The following PPFIBP1 variants were observed in gnomAD, a reference collection of about 807,000 sequenced individuals.
PPFIBP1 encodes the protein liprin-beta-1.
In PPFIBP1, 112 loss-of-function variants were observed where a neutral mutation model predicts 137.8. The ratio of observed to expected loss-of-function variants is 0.81; its 90% confidence interval spans 0.70 to 0.95. PPFIBP1 has a LOEUF of 0.95. PPFIBP1 is among the 40% of genes least tolerant of loss of function. PPFIBP1 has a pLI of 0.00. For missense variants in PPFIBP1, 1,083 were observed against 1,196.6 expected, an observed-to-expected ratio of 0.91 and a Z score of 1.40; for synonymous variants, 378 against 417.3, an observed-to-expected ratio of 0.91 and a Z score of 1.15.
At chr12:27,592,570 T>C in intron 2 of PPFIBP1, 2 of 1,441,694 alleles carry the variant, frequency 1.4e-6, no homozygotes, top group Non-Finnish European at 1.9e-6. Flanking sequence ...TTTCACAGGA[T>C]GATACCTCCT....
At chr12:27,623,313 G>A (rs1026824809) in intron 2 of PPFIBP1, among the ~76,000 whole-genome samples, 6 of 152,128 alleles carry the variant, frequency 3.9e-5, no homozygotes, top group African/African-American at 9.7e-5. Flanking sequence ...AATTTGATTC[G>A]CCTACATCTC....
intron 9 of PPFIBP1, among the ~76,000 whole-genome samples, chr12:27,657,640 C>T (rs1050919946): frequency 5.3e-5 from 8 of 151,998 alleles, no homozygotes; most frequent in African/African-American, 1.7e-4. Flanking sequence ...TATACCCCTG[C>T]AGGTATCACA....
chr12:27,596,561 G>C (rs1592728286), intron 2 of PPFIBP1, among the ~76,000 whole-genome samples: 1 of 151,964 alleles, frequency 6.6e-6, no homozygotes, highest in East Asian at 1.9e-4. Flanking sequence ...TCACTCTGTT[G>C]CCCAGGCTGG....
Position 27,654,767 on chromosome 12 carries a change from A to G in PPFIBP1, c.649A>G (p.Met217Val). The change falls in exon 8 of 30, where the codon ATG (methionine) becomes GTG (valine). Residue 217 changes from methionine (M) to valine (V), a missense_variant. Transcript: ENST00000228425. Reference sequence around the variant, plus strand: ...TGATTTGAGGTTAAAAGTTAGTGAAATGGACAGTGAGAGACTTCAGTATGA... The same window carrying G: ...TGATTTGAGGTTAAAAGTTAGTGAAGTGGACAGTGAGAGACTTCAGTATGA... ...INDLRLKVSE[M>V]DSERLQYEKK... 1 of 1,612,242 alleles carries G rather than the reference A, an allele frequency of 6.2e-7. No individual in the cohort carries two copies. Among genetic ancestry groups the G allele is most frequent in the Middle Eastern group, 1.9e-4 (1 of 5,178 alleles).
intron 12 of PPFIBP1, 138 bp from the exon 13 acceptor site, chr12:27,667,028 G>T: frequency 2.3e-6 from 2 of 862,878 alleles, no homozygotes; most frequent in Non-Finnish European, 3.3e-6. Context: ...TTCAAGGGCT[G>T]CCAGGAGAAG....
chr12:27,621,689 A>G (rs1265193654), intron 2 of PPFIBP1, among the ~76,000 whole-genome samples: 1 of 152,178 alleles, frequency 6.6e-6, no homozygotes, highest in Non-Finnish European at 1.5e-5. Context: ...TTGGAATAGA[A>G]ACCAACAGAA....
Position 27,664,432 on chromosome 12 carries a change from C to A in PPFIBP1, c.977C>A (p.Ala326Asp). ...AAAATGCAAGACACGGTGGTACTGG[C>A]CCAAGGTAAAAAAGGTAGAGTGTAG... is the stretch of plus-strand genomic sequence containing the variant. ...YKKMQDTVVLAQGKKGKDGEY... is the reference protein window; with the variant it reads ...YKKMQDTVVLDQGKKGKDGEY... Residue 326 changes from alanine to aspartate, a missense_variant, in exon 12 of 30, where the codon GCC becomes GAC. Transcript: ENST00000228425. 6.2e-7 allele frequency: 1 copy of A among 1,610,928 alleles called. No homozygotes were observed. Among genetic ancestry groups the A allele is most frequent in the Non-Finnish European group, 8.5e-7 (1 of 1,177,976 alleles).
intron 7 of PPFIBP1, among the ~76,000 whole-genome samples, chr12:27,650,344 A>C (rs2058803667): frequency 1.3e-5 from 2 of 152,220 alleles, no homozygotes; most frequent in African/African-American, 4.8e-5. Context: ...GCTAATGGCA[A>C]TTTTTATTTT....
At chr12:27,530,884 G>T (rs1365156316) in intron 1 of PPFIBP1, among the ~76,000 whole-genome samples, 1 of 152,178 alleles carries the variant, frequency 6.6e-6, no homozygotes, top group African/African-American at 2.4e-5. Context: ...GATGCTTGAG[G>T]GTTAAGGATG....
At chr12:27,533,698 G>A (rs911183862) in intron 1 of PPFIBP1, among the ~76,000 whole-genome samples, 3 of 152,190 alleles carry the variant, frequency 2.0e-5, no homozygotes, top group Non-Finnish European at 4.4e-5. Context: ...TCTCTATAGG[G>A]CTGTTATGTA....
intron 23 of PPFIBP1, 46 bp downstream of exon 23, chr12:27,682,544 T>C: frequency 6.2e-7 from 1 of 1,604,882 alleles, no homozygotes; most frequent in Non-Finnish European, 8.5e-7. Flanking sequence ...ATATACATAG[T>C]TGCTTTTTCT....
intron 1 of PPFIBP1, among the ~76,000 whole-genome samples, chr12:27,543,873 G>C (rs306659): frequency 0.082 from 9,412 of 115,078 alleles, 2 homozygotes; most frequent in Non-Finnish European, 0.093. Flanking sequence ...CCCCCACCCC[G>C]CCCCTGCTTT....
chr12:27,583,094 A>C (rs1420801448), intron 2 of PPFIBP1, among the ~76,000 whole-genome samples: 15 of 152,148 alleles, frequency 9.9e-5, no homozygotes, highest in Admixed American at 2.0e-4. Flanking sequence ...TATTCTGGGC[A>C]TTTTGTACTC....
intron 2 of PPFIBP1, among the ~76,000 whole-genome samples, chr12:27,607,802 G>A (rs925897880): frequency 6.6e-5 from 10 of 152,116 alleles, no homozygotes; most frequent in Admixed American, 2.0e-4. Context: ...GTTCCTCCCC[G>A]CTTTTTTTTC....
At chr12:27,631,173 A>G (rs1354995955) in intron 2 of PPFIBP1, among the ~76,000 whole-genome samples, 1 of 148,260 alleles carries the variant, frequency 6.7e-6, no homozygotes, top group Admixed American at 6.9e-5. Flanking sequence ...ACTGATACTA[A>G]GCAGCTTTTC....
chr12:27,548,606 A>G (rs1467878625), intron 1 of PPFIBP1: 1 of 152,210 alleles, frequency 6.6e-6, no homozygotes, highest in African/African-American at 2.4e-5. Flanking sequence ...ACTGCAGATT[A>G]AGTCATATCT....
intron 3 of PPFIBP1, among the ~76,000 whole-genome samples, chr12:27,634,697 A>G (rs2057528622): frequency 6.6e-6 from 1 of 152,192 alleles, no homozygotes; most frequent in Non-Finnish European, 1.5e-5. Flanking sequence ...CCTCCTAGTT[A>G]CGAACTGGAC....
At chr12:27,596,077 C>CAG (rs1416813948) in intron 2 of PPFIBP1, among the ~76,000 whole-genome samples, 1 of 145,906 alleles carries the variant, frequency 6.9e-6, no homozygotes, top group Admixed American at 6.8e-5. Context: ...TAAATACACA[C>CAG]ACACACACAC....
At chr12:27,564,821 G>T (rs890302124) in intron 1 of PPFIBP1, among the ~76,000 whole-genome samples, 1 of 152,080 alleles carries the variant, frequency 6.6e-6, no homozygotes, top group Non-Finnish European at 1.5e-5. Flanking sequence ...CAGGCCGCCA[G>T]CCCCTTTGAC....
Sources: gnomAD v4.1 joint callset for allele counts (sites outside exome capture counted in the v4.1 genomes callset) on GRCh38, gnomAD v4.1.1 for gene constraint, MANE v1.5 for transcripts, NCBI Gene and HGNC (gene_info 2026-07-23, HGNC 2026-07-21) for gene names.